RBFOX1: variants seen among roughly 807,000 people sequenced by gnomAD.
The protein encoded by RBFOX1 is RNA binding fox-1 homolog 1.
RBFOX1 carries 8 observed loss-of-function variants against 57.7 expected under a neutral mutation model. The observed-to-expected ratio is 0.14, with a 90% CI of 0.08 to 0.25. The LOEUF (loss-of-function observed/expected upper bound fraction) is 0.25, where lower values mean the gene tolerates loss of function less well. RBFOX1 is among the 10% of genes least tolerant of loss of function. RBFOX1 has a pLI of 1.00. For missense variants in RBFOX1, 611 were observed against 548.5 expected (o/e 1.11, Z -1.14); for synonymous variants, 326 against 222.4 (o/e 1.47, Z -4.15).
At chr16:7,509,607 A>G (rs895039351) in intron 4 of RBFOX1, among the ~76,000 whole-genome samples, 1 of 152,212 alleles carries the variant, frequency 6.6e-6, no homozygotes, top group Non-Finnish European at 1.5e-5. Context: ...GCTGGATTTC[A>G]AAATCTTCCA....
chr16:7,342,963 C>T (rs749193074), intron 4 of RBFOX1, among the ~76,000 whole-genome samples: 5 of 152,112 alleles, frequency 3.3e-5, no homozygotes, highest in Non-Finnish European at 5.9e-5. Context: ...ATGTTGAATC[C>T]TTGCCCAAAT....
chr16:5,772,359 A>T (rs1242640448), intron 3 of RBFOX1, among the ~76,000 whole-genome samples: 1 of 150,160 alleles, frequency 6.7e-6, no homozygotes, highest in Non-Finnish European at 1.5e-5. Context: ...CTTTTCACAC[A>T]CCCAAATTCC....
chr16:6,251,523 G>C (rs549794881), intron 1 of RBFOX1, among the ~76,000 whole-genome samples: 1 of 152,034 alleles, frequency 6.6e-6, no homozygotes, highest in Non-Finnish European at 1.5e-5. Flanking sequence ...TGGGTTTGGG[G>C]CTCTTTACAG....
intron 4 of RBFOX1, among the ~76,000 whole-genome samples, chr16:7,516,979 G>A (rs1483963789): frequency 6.6e-6 from 1 of 152,064 alleles, no homozygotes; most frequent in Non-Finnish European, 1.5e-5. Flanking sequence ...CATTATATGA[G>A]GGCCAAAGTC....
At chr16:7,010,521 A>T (rs1361607608) in intron 3 of RBFOX1, among the ~76,000 whole-genome samples, 4 of 150,558 alleles carry the variant, frequency 2.7e-5, no homozygotes, top group Non-Finnish European at 4.4e-5. Context: ...AGGGAGAGAC[A>T]CTGATCACAT....
At chr16:7,519,689 G>T in intron 5 of RBFOX1, 1 of 985,300 alleles carries the variant, frequency 1.0e-6, no homozygotes, top group Non-Finnish European at 1.2e-6. Context: ...CCCCAATCCT[G>T]TCGTCTGGAA....
intron 1 of RBFOX1, among the ~76,000 whole-genome samples, chr16:5,446,642 G>A (rs2068247967): frequency 1.3e-5 from 2 of 152,094 alleles, no homozygotes; most frequent in African/African-American, 2.4e-5. Flanking sequence ...TCTCTGGCAG[G>A]TAGATGGGGG....
At chr16:6,020,764 G>C (rs2095057723) in intron 1 of RBFOX1, among the ~76,000 whole-genome samples, 2 of 152,094 alleles carry the variant, frequency 1.3e-5, no homozygotes, top group African/African-American at 4.8e-5. Context: ...GGGGCTAGTG[G>C]GGCGCCGCTC....
At chr16:6,569,840 C>T (rs572878521) in intron 2 of RBFOX1, among the ~76,000 whole-genome samples, 1 of 152,300 alleles carries the variant, frequency 6.6e-6, no homozygotes, top group African/African-American at 2.4e-5. Context: ...TTTTTCAAGT[C>T]TTCCCTATTT....
At chr16:5,897,223 G>A (rs1163376504) in intron 4 of RBFOX1, among the ~76,000 whole-genome samples, 1 of 150,506 alleles carries the variant, frequency 6.6e-6, no homozygotes, top group Admixed American at 6.6e-5. Context: ...TTTTAGTAGA[G>A]ACGGGGTTTC....
At chr16:7,228,689 G>C (rs896983148) in intron 4 of RBFOX1, among the ~76,000 whole-genome samples, 7 of 152,182 alleles carry the variant, frequency 4.6e-5, no homozygotes, top group African/African-American at 1.4e-4. Flanking sequence ...GCTTTATTCA[G>C]TCAAAGCTCA....
At chr16:6,182,619 A>G (rs369895873) in intron 1 of RBFOX1, among the ~76,000 whole-genome samples, 2 of 152,148 alleles carry the variant, frequency 1.3e-5, no homozygotes, top group South Asian at 2.1e-4. Flanking sequence ...TAGTTGTTTC[A>G]ATTCATTTTA....
intron 4 of RBFOX1, among the ~76,000 whole-genome samples, chr16:7,456,255 T>A (rs2058492153): frequency 6.6e-6 from 1 of 152,166 alleles, no homozygotes; most frequent in African/African-American, 2.4e-5. Context: ...CAACATTGCC[T>A]ATCCTAGAGG....
chr16:7,153,445 G>C (rs2076472318), intron 4 of RBFOX1, among the ~76,000 whole-genome samples: 1 of 152,000 alleles, frequency 6.6e-6, no homozygotes, highest in Admixed American at 6.6e-5. Flanking sequence ...GGATTGAAAG[G>C]ACATCTGTTG....
chr16:6,344,398 C>CTTTTTTTTTT (rs1176288797), intron 2 of RBFOX1, among the ~76,000 whole-genome samples: 13 of 71,948 alleles, frequency 1.8e-4, no homozygotes, highest in African/African-American at 1.1e-3. Flanking sequence ...CTTCTTTTTT[C>CTTTTTTTTTT]TTTTTTTTCT....
intron 2 of RBFOX1, among the ~76,000 whole-genome samples, chr16:6,542,634 C>T (rs762420209): frequency 7.0e-4 from 106 of 151,768 alleles, no homozygotes; most frequent in Non-Finnish European, 1.1e-3. Flanking sequence ...GGACCACAGG[C>T]GCCCGCCACC....
rs2059413098 is a variant in RBFOX1 at position 5,946,998 on chromosome 16, G to A, written c.351+79663G>A. On this transcript the variant is annotated intron_variant, in intron 4 of 19. Coordinates refer to the RBFOX1 transcript ENST00000641259. This position sits in a 1 kb window ranked among gnomAD's most constrained non-coding sequence, Gnocchi z 4.6. ...AGGCAGAAGTAGGAGGATTGCTTGAGGCCAGGAGTTTGAGACCAGCTCTAG... is the reference window on the plus strand; with the variant it reads ...AGGCAGAAGTAGGAGGATTGCTTGAAGCCAGGAGTTTGAGACCAGCTCTAG... Among the ~76,000 whole-genome samples, 1 of 152,164 alleles carries A rather than the reference G, an allele frequency of 6.6e-6. No individual in the cohort carries two copies. The highest frequency in any genetic ancestry group is 6.5e-5 in the Admixed American group (1 of 15,274).
Position 6,431,884 on chromosome 16 carries a change from GCTTGCTTGCTTGCTTTCTTT to G in RBFOX1, c.-64+114831_-64+114850del, listed in dbSNP as rs1240906014. Among the ~76,000 whole-genome samples, 9 of 108,478 alleles carry G rather than the reference GCTTGCTTGCTTGCTTTCTTT, an allele frequency of 8.3e-5. No homozygotes were observed. In the East Asian group the frequency reaches 1.1e-3, roughly 14 times the overall value. The allele number at this position is 108,478 out of a possible 152,430, so 71.2% of individuals were successfully genotyped here. On this transcript the variant is annotated intron_variant, in intron 2 of 15. Coordinates refer to ENST00000550418, the MANE Select transcript of RBFOX1 (RefSeq NM_018723.4). ...TATTTATGAACATGTCCAGAAATATGCTTGCTTGCTTGCTTTCTTTCTTTCTTTCTTTCTTTCTTTCTTTC... is the reference window on the plus strand; with the variant it reads ...TATTTATGAACATGTCCAGAAATATGCTTTCTTTCTTTCTTTCTTTCTTTC...
chr16:6,445,460 C>G (rs996508854), intron 2 of RBFOX1, among the ~76,000 whole-genome samples: 1 of 151,348 alleles, frequency 6.6e-6, no homozygotes, highest in Non-Finnish European at 1.5e-5. Flanking sequence ...TGTGGTTTAA[C>G]TCATGATTAT....
Sources: allele counts gnomAD v4.1 joint callset (sites outside exome capture counted in the v4.1 genomes callset), GRCh38; gene constraint gnomAD v4.1.1; non-coding constraint Gnocchi (gnomAD v3.1); transcripts MANE v1.5; gene names NCBI Gene and HGNC (gene_info 2026-07-23, HGNC 2026-07-21).